The following SKAP2 variants were observed in gnomAD, a reference collection of about 807,000 sequenced individuals.
SKAP2 encodes the protein src kinase-associated phosphoprotein 2.
SKAP2 carries 28 observed loss-of-function variants against 54.9 expected under a neutral mutation model. The ratio of observed to expected loss-of-function variants is 0.51; its 90% CI spans 0.38 to 0.70. The LOEUF (loss-of-function observed/expected upper bound fraction) is 0.70. Among genes scored for constraint, SKAP2 ranks in the 30% least tolerant of loss-of-function variants. SKAP2 has a pLI of 0.00. For missense variants in SKAP2, 356 were observed against 424.1 expected (o/e 0.84, Z 1.41); for synonymous variants, 137 against 134.3 (o/e 1.02, Z -0.14).
intron 11 of SKAP2, among the ~76,000 whole-genome samples, chr7:26,675,498 A>T (rs2128084723): frequency 6.6e-6 from 1 of 152,344 alleles, no homozygotes; most frequent in South Asian, 2.1e-4. Context: ...AAAATAAAGT[A>T]CAAACTCATT....
At chr7:26,694,711 TTCTC>T (rs1786859918) in intron 9 of SKAP2, among the ~76,000 whole-genome samples, 1 of 151,230 alleles carries the variant, frequency 6.6e-6, no homozygotes, top group Admixed American at 6.6e-5. Flanking sequence ...ATATTTGGCC[TTCTC>T]TCTGAGTTAA....
intron 4 of SKAP2, among the ~76,000 whole-genome samples, chr7:26,828,882 C>G (rs972753983): frequency 6.6e-6 from 1 of 151,614 alleles, no homozygotes; most frequent in African/African-American, 2.4e-5. Flanking sequence ...CAAAAATTAG[C>G]CAGGTGTGGT....
chr7:26,864,451 G>C lies in SKAP2; in HGVS notation c.-22C>G. 1 of 1,591,196 alleles carries C rather than the reference G, an allele frequency of 6.3e-7. No individual in the cohort carries two copies. The highest frequency in any genetic ancestry group is 8.6e-7 in the Non-Finnish European group (1 of 1,168,446). On this transcript the variant is annotated 5_prime_UTR_variant, in exon 1 of 13. Coordinates refer to ENST00000345317, the MANE Select transcript of SKAP2 (RefSeq NM_003930.5). ...GCATGTTAGGGAGCGCAGGGCGTGCGGGGAAAGGACCTGCGCTGAAAAGGT... is the reference window on the plus strand; with the variant it reads ...GCATGTTAGGGAGCGCAGGGCGTGCCGGGAAAGGACCTGCGCTGAAAAGGT...
At chr7:26,708,821 C>T (rs774351566) in intron 9 of SKAP2, among the ~76,000 whole-genome samples, 1 of 152,190 alleles carries the variant, frequency 6.6e-6, no homozygotes, top group Non-Finnish European at 1.5e-5. Context: ...TTGGTCAACA[C>T]TGTATCTCCA....
At chr7:26,812,868 G>A (rs764626926) in intron 4 of SKAP2, among the ~76,000 whole-genome samples, 11 of 150,224 alleles carry the variant, frequency 7.3e-5, no homozygotes, top group Non-Finnish European at 1.5e-4. Context: ...GTTTTTTTCC[G>A]GTCCTGGTTT....
At chr7:26,846,487 G>A (rs143210894) in intron 3 of SKAP2, among the ~76,000 whole-genome samples, 3 of 151,866 alleles carry the variant, frequency 2.0e-5, no homozygotes, top group Non-Finnish European at 4.4e-5. Flanking sequence ...ATGCAAACAC[G>A]ATTCTATATT....
chr7:26,685,902 C>T (rs1190627731), intron 10 of SKAP2, among the ~76,000 whole-genome samples: 3 of 152,146 alleles, frequency 2.0e-5, no homozygotes, highest in Non-Finnish European at 2.9e-5. Flanking sequence ...AGAATATATA[C>T]GTGCTAACAA....
intron 4 of SKAP2, among the ~76,000 whole-genome samples, chr7:26,787,841 C>T (rs1451617375): frequency 6.6e-6 from 1 of 152,144 alleles, no homozygotes; most frequent in Non-Finnish European, 1.5e-5. Flanking sequence ...CCACCTCTAA[C>T]AGCGGGGATT....
At chr7:26,666,546 G>C (rs1420632750), downstream of SKAP2, among the ~76,000 whole-genome samples, 1 of 152,116 alleles carries the variant, frequency 6.6e-6, no homozygotes, top group East Asian at 1.9e-4. Flanking sequence ...CAAAGTGGTT[G>C]TGTAATGATA....
intron 9 of SKAP2, among the ~76,000 whole-genome samples, chr7:26,713,424 T>A (rs1161027213): frequency 6.7e-6 from 1 of 150,190 alleles, no homozygotes; most frequent in Non-Finnish European, 1.5e-5. Flanking sequence ...ATTTGCTGGA[T>A]GAGTTAATTA....
At chr7:26,843,229 G>A (rs1453646594) in intron 4 of SKAP2, among the ~76,000 whole-genome samples, 1 of 151,954 alleles carries the variant, frequency 6.6e-6, no homozygotes, top group African/African-American at 2.4e-5. Flanking sequence ...TCACATAGTG[G>A]CAGAAGGTAT....
intron 11 of SKAP2, among the ~76,000 whole-genome samples, chr7:26,677,028 A>G (rs1403717180): frequency 1.3e-5 from 2 of 152,254 alleles, no homozygotes; most frequent in African/African-American, 4.8e-5. Context: ...AAGCTGCTGT[A>G]GAAAAACTAG....
chr7:26,802,390 GC>G (rs1783933919), intron 4 of SKAP2, among the ~76,000 whole-genome samples: 1 of 150,518 alleles, frequency 6.6e-6, no homozygotes, highest in South Asian at 2.1e-4. Context: ...TCCTGCCTCA[GC>G]CTCCCAAGTA....
rs1177004126 is a variant in SKAP2, at chr7:26,725,381, C to T, written c.796+47G>A. The T allele has an allele frequency of 5.5e-6, 8 of 1,456,152 alleles. No homozygotes were observed. The Admixed American group carries it at 8.6e-5, about 16-fold the overall frequency. The allele number at this position is 1,456,152 out of a possible 1,614,324, so 90.2% of individuals were successfully genotyped here. A position where few individuals can be genotyped will look rare whatever the true frequency, so the allele number is the denominator to read the frequency against. On this transcript the variant is annotated intron_variant, in intron 9 of 12. Coordinates refer to ENST00000345317, the MANE Select transcript of SKAP2 (RefSeq NM_003930.5). ...AAACACACACACACACTCACACACA[C>T]ACACACAGCCCTAAAATCTTTAAAT...
At chr7:26,766,638 T>C (rs1783063036) in intron 4 of SKAP2, among the ~76,000 whole-genome samples, 1 of 152,234 alleles carries the variant, frequency 6.6e-6, no homozygotes. Flanking sequence ...TATTTTGAGA[T>C]ACATTCCATC....
At chr7:26,778,627 T>C (rs1376677837) in intron 4 of SKAP2, among the ~76,000 whole-genome samples, 2 of 151,956 alleles carry the variant, frequency 1.3e-5, no homozygotes, top group Non-Finnish European at 2.9e-5. Context: ...GTTTCCCAGT[T>C]CAAATTCAGC....
At chr7:26,758,645 G>A (rs569122740) in intron 4 of SKAP2, among the ~76,000 whole-genome samples, 110 of 152,212 alleles carry the variant, frequency 7.2e-4, no homozygotes, top group Non-Finnish European at 1.4e-3. Context: ...TCAACTCACT[G>A]AAAAGCTTTC....
intron 4 of SKAP2, among the ~76,000 whole-genome samples, chr7:26,833,412 A>C (rs1040669753): frequency 6.6e-6 from 1 of 151,772 alleles, no homozygotes; most frequent in African/African-American, 2.4e-5. Context: ...AAAAAAAAAA[A>C]AGACACAGAC....
intron 4 of SKAP2, among the ~76,000 whole-genome samples, chr7:26,776,448 C>T (rs187478449): frequency 3.3e-5 from 5 of 152,250 alleles, no homozygotes; most frequent in Non-Finnish European, 7.4e-5. Flanking sequence ...CTCTGTATGA[C>T]TGACCTAATT....
Sources: gnomAD v4.1 joint callset for allele counts (sites outside exome capture counted in the v4.1 genomes callset) on GRCh38, gnomAD v4.1.1 for gene constraint, MANE v1.5 for transcripts, NCBI Gene and HGNC (gene_info 2026-07-23, HGNC 2026-07-21) for gene names.